KPNA7: variants seen among roughly 807,000 people sequenced by gnomAD.
KPNA7 encodes the protein karyopherin subunit alpha 7, also known as importin subunit alpha-8.
In KPNA7, 54 loss-of-function variants were observed where a neutral mutation model predicts 53.7. The ratio of observed to expected loss-of-function variants is 1.01; its 90% confidence interval spans 0.81 to 1.26. The LOEUF (loss-of-function observed/expected upper bound fraction) is 1.26, where lower values mean the gene tolerates loss of function less well. Among genes scored for constraint, KPNA7 ranks in the 50% most tolerant of loss-of-function variants. KPNA7 has a pLI of 0.00. For synonymous variants in KPNA7, 276 were observed against 259.3 expected (o/e 1.06, Z -0.62); for missense variants, 640 against 644.5 (o/e 0.99, Z 0.07).
Position 99,207,428 on chromosome 7 carries a change from T to C in KPNA7, c.39A>G (p.Lys13=). Residue 13 remains lysine, a synonymous_variant, in exon 2 of 11, where the codon AAA becomes AAG. Transcript: ENST00000327442. ...TLDAPEERRR[K]FKYRGKDVSL... is the part of the protein sequence containing the mutation. Reference sequence around the variant, plus strand: ...ACACATCTTTGCCTCGGTACTTAAATTTTCTCCGCCTCTCTTCTGGAGCAT... The same window carrying C: ...ACACATCTTTGCCTCGGTACTTAAACTTTCTCCGCCTCTCTTCTGGAGCAT... 1 of 1,551,312 alleles carries C rather than the reference T, an allele frequency of 6.4e-7. No individual in the cohort carries two copies. The highest frequency in any genetic ancestry group is 8.7e-7 in the Non-Finnish European group (1 of 1,146,918).
intron 2 of KPNA7, 114 bp downstream of exon 2, chr7:99,207,287 C>A: frequency 1.2e-6 from 1 of 814,454 alleles, no homozygotes; most frequent in Non-Finnish European, 2.1e-6. Flanking sequence ...CCCGTCTCAG[C>A]CTCTCAAAGT....
chr7:99,145,833 G>A, the KPNA7 span, among the ~76,000 whole-genome samples: 1 of 152,140 alleles, frequency 6.6e-6, no homozygotes, highest in Non-Finnish European at 1.5e-5. Flanking sequence ...TGAAAGCAGA[G>A]TCTCTCCTGG....
chr7:99,193,288 G>A (rs1406855719), intron 5 of KPNA7, among the ~76,000 whole-genome samples, 187 bp from the exon 6 acceptor site: 1 of 152,230 alleles, frequency 6.6e-6, no homozygotes, highest in Non-Finnish European at 1.5e-5. Context: ...CAGTCCTGAT[G>A]TAACAGGCAG....
intron 3 of KPNA7, among the ~76,000 whole-genome samples, chr7:99,199,953 C>T (rs1790426269): frequency 6.6e-6 from 1 of 152,110 alleles, no homozygotes; most frequent in Non-Finnish European, 1.5e-5. Context: ...CACAGTCTCG[C>T]TCTCTTACTC....
the KPNA7 span, among the ~76,000 whole-genome samples, chr7:99,163,359 G>GTGTGTATATATATATATA: frequency 1.5e-5 from 1 of 66,420 alleles, no homozygotes; most frequent in Non-Finnish European, 2.7e-5. Context: ...ATGAGTGTGT[G>GTGTGTATATATATATATA]TATATATATA....
chr7:99,219,116 T>C (rs73709610), intron 1 of KPNA7, among the ~76,000 whole-genome samples: 4,314 of 152,316 alleles, frequency 0.028, 213 homozygotes, highest in African/African-American at 0.099. Flanking sequence ...TTGGGGAGTT[T>C]TGAGCCCGCC....
chr7:99,181,081 C>G lies in KPNA7; in HGVS notation c.1317+802G>C, dbSNP rs201758410. 2.5e-4 allele frequency among the ~76,000 whole-genome samples: 20 copies of G among 81,292 alleles called. 5 individuals are homozygous for G. The highest frequency in any genetic ancestry group is 8.6e-4 in the African/African-American group (18 of 20,978). The allele number at this position is 81,292 out of a possible 152,430, so 53.3% of individuals were successfully genotyped here. Reference sequence around the variant, plus strand: ...TCTGTGTCTCTCTCTCCATCTGTGTCTCTCTCTCTCTCTCCGTCTGTGTCT... The same window carrying G: ...TCTGTGTCTCTCTCTCCATCTGTGTGTCTCTCTCTCTCTCCGTCTGTGTCT... On this transcript the variant is annotated intron_variant, in intron 9 of 10. Coordinates refer to ENST00000327442, the MANE Select transcript of KPNA7 (RefSeq NM_001145715.3).
the KPNA7 span, among the ~76,000 whole-genome samples, chr7:99,160,017 GTTTTTTTTTTTTTTT>G: frequency 1.5e-5 from 1 of 67,662 alleles, no homozygotes; most frequent in African/African-American, 5.8e-5. Context: ...TGTTGTTTTT[GTTTTTTTTTTTTTTT>G]TTTTTTTTTT....
chr7:99,165,348 A>G, the KPNA7 span, among the ~76,000 whole-genome samples: 1 of 150,834 alleles, frequency 6.6e-6, no homozygotes, highest in African/African-American at 2.4e-5. Flanking sequence ...TTGGCCAAAG[A>G]TCTGCCACCT....
chr7:99,196,243 A>G, intron 3 of KPNA7, 77 bp from the exon 4 acceptor site: 1 of 1,040,494 alleles, frequency 9.6e-7, no homozygotes, highest in Non-Finnish European at 1.5e-6. Context: ...GCCATCATCC[A>G]TCTGATTAAA....
intron 3 of KPNA7, among the ~76,000 whole-genome samples, chr7:99,197,860 C>T (rs1055962537): frequency 6.6e-6 from 1 of 151,816 alleles, no homozygotes; most frequent in African/African-American, 2.4e-5. Flanking sequence ...ATCAAGGATA[C>T]CAACAAATGC....
intron 7 of KPNA7, among the ~76,000 whole-genome samples, chr7:99,186,143 C>A (rs538341933): frequency 6.6e-6 from 1 of 152,092 alleles, no homozygotes; most frequent in East Asian, 1.9e-4. Context: ...CAGTGTCAAG[C>A]GTGTTGCATA....
chr7:99,199,121 G>A (rs974930671), intron 3 of KPNA7, among the ~76,000 whole-genome samples: 19 of 144,140 alleles, frequency 1.3e-4, no homozygotes, highest in South Asian at 6.6e-4. Context: ...CATGTTCATG[G>A]ACTGGAAGAC....
intron 10 of KPNA7, among the ~76,000 whole-genome samples, chr7:99,177,557 A>G (rs1401541233): frequency 2.1e-5 from 3 of 142,034 alleles, no homozygotes; most frequent in African/African-American, 8.1e-5. Flanking sequence ...CCTGGGCAAC[A>G]GAGTGAAACC....
Position 99,216,249 on chromosome 7 carries a change from G to A in KPNA7, c.-23-8760C>T, listed in dbSNP as rs551259022. 2.6e-5 allele frequency among the ~76,000 whole-genome samples: 4 copies of A among 152,028 alleles called. No homozygotes were observed. The South Asian group carries it at 6.2e-4, about 24-fold the overall frequency. On this transcript the variant is annotated intron_variant, in intron 1 of 10. Transcript: ENST00000681060. ...TTGCTACATTGCCCAGGCTTGTCTC[G>A]AAGTCCTGGGCTCAAGTGATCCTCC...
the KPNA7 span, among the ~76,000 whole-genome samples, chr7:99,159,793 T>A: frequency 0.012 from 1,779 of 152,228 alleles, 34 homozygotes; most frequent in African/African-American, 0.041. Flanking sequence ...TCATATGTGT[T>A]TTATTTTCTC....
chr7:99,174,592 T>G (rs1242158742), intron 10 of KPNA7, among the ~76,000 whole-genome samples: 3 of 152,152 alleles, frequency 2.0e-5, no homozygotes, highest in Admixed American at 2.0e-4. Context: ...CTCTACAGAT[T>G]TGATGACTGC....
At chr7:99,148,034 AG>A in the KPNA7 span, among the ~76,000 whole-genome samples, 1 of 150,966 alleles carries the variant, frequency 6.6e-6, no homozygotes, top group Non-Finnish European at 1.5e-5. Context: ...AAAAAAAAAA[AG>A]TTGATTAAAA....
chr7:99,188,687 T>C, intron 6 of KPNA7, 124 bp from the exon 7 acceptor site: 1 of 1,070,490 alleles, frequency 9.3e-7, no homozygotes. Context: ...TAAAATTTTA[T>C]TTATTATTTT....
Sources: allele counts gnomAD v4.1 joint callset (sites outside exome capture counted in the v4.1 genomes callset), GRCh38; gene constraint gnomAD v4.1.1; transcripts MANE v1.5; gene names NCBI Gene and HGNC (gene_info 2026-07-23, HGNC 2026-07-21).